MIA2: variants seen among roughly 807,000 people sequenced by gnomAD.
MIA2 encodes the protein melanoma inhibitory activity protein 2.
In MIA2, 127 loss-of-function variants were observed where a neutral mutation model predicts 167.8. The observed-to-expected ratio is 0.76, with a 90% CI of 0.66 to 0.88. MIA2 has a LOEUF of 0.88. MIA2 is among the 40% of genes least tolerant of loss of function. The pLI is 0.00. For synonymous variants in MIA2, 552 were observed against 541.9 expected, an observed-to-expected ratio of 1.02 and a Z score of -0.26; for missense variants, 1,690 against 1,624.7, an observed-to-expected ratio of 1.04 and a Z score of -0.69.
rs762769313 is a variant in MIA2, at chr14:39,319,287, C to T, written c.3363C>T (p.Gly1121=). The T allele has an allele frequency of 2.0e-6, 3 of 1,507,090 alleles. No homozygotes were observed. The highest frequency in any genetic ancestry group is 1.4e-5 in the African/African-American group (1 of 71,186). The allele number at this position is 1,507,090 out of a possible 1,614,324, so 93.4% of individuals were successfully genotyped here. A position where few individuals can be genotyped will look rare whatever the true frequency, so the allele number is the denominator to read the frequency against. Residue 1121 remains glycine (G), a synonymous_variant, in exon 23 of 29, where the codon GGC becomes GGT. Transcript: ENST00000640607. ...YALDVPNTAF[G]REHSPYGPSP... ...TCGATGTTCCAAATACAGCATTTGGCAGAGGTAGTCTTTTTTTTTTTACCC... is the reference window on the plus strand; with the variant it reads ...TCGATGTTCCAAATACAGCATTTGGTAGAGGTAGTCTTTTTTTTTTTACCC...
rs533094727 is a variant in MIA2, at chr14:39,248,233, C to T, written c.1567+92C>T. Reference sequence around the variant, plus strand: ...AAATCAGATGAAAAAGTCCAGGAATCCACGTTTTTCAGAATACTTAGCTCT... The same window carrying T: ...AAATCAGATGAAAAAGTCCAGGAATTCACGTTTTTCAGAATACTTAGCTCT... On this transcript the variant is annotated intron_variant, in intron 4 of 28. Transcript: ENST00000640607. 26 of 1,028,604 alleles carry T rather than the reference C, an allele frequency of 2.5e-5. No homozygotes were observed. The South Asian group carries it at 4.3e-4, about 17-fold the overall frequency. 63.7% of individuals were successfully genotyped at this position (1,028,604 alleles called of 1,614,324 possible).
chr14:39,263,633 C>CTTTTTTT (rs35948974), intron 6 of MIA2, among the ~76,000 whole-genome samples: 7 of 130,916 alleles, frequency 5.3e-5, no homozygotes, highest in East Asian at 2.2e-4. Context: ...CTCTCTCTCT[C>CTTTTTTT]TTTTTTTTTT....
intron 14 of MIA2, among the ~76,000 whole-genome samples, chr14:39,301,814 TA>T (rs981776737): frequency 6.6e-6 from 1 of 152,208 alleles, no homozygotes; most frequent in Non-Finnish European, 1.5e-5. Context: ...TCATGTTAAT[TA>T]GGGCACTGTT....
At chr14:39,340,164 T>TAAA (rs1216819744) in intron 25 of MIA2, among the ~76,000 whole-genome samples, 3 of 152,162 alleles carry the variant, frequency 2.0e-5, no homozygotes, top group East Asian at 3.9e-4. Context: ...TGAGCTTTAG[T>TAAA]ATTCCTAGTT....
intron 6 of MIA2, among the ~76,000 whole-genome samples, chr14:39,257,291 T>C (rs897152691): frequency 3.3e-5 from 5 of 152,238 alleles, no homozygotes; most frequent in Non-Finnish European, 1.5e-5. Flanking sequence ...CATATATATT[T>C]AGGATAGTTA....
chr14:39,323,639 A>G (rs993814121), intron 24 of MIA2, among the ~76,000 whole-genome samples: 2 of 152,138 alleles, frequency 1.3e-5, no homozygotes, highest in African/African-American at 4.8e-5. Context: ...AATTAGCATT[A>G]TTTTTTAAAC....
At chr14:39,301,541 C>T (rs1001649392) in intron 14 of MIA2, among the ~76,000 whole-genome samples, 12 of 152,142 alleles carry the variant, frequency 7.9e-5, no homozygotes, top group African/African-American at 2.7e-4. Flanking sequence ...AATTGTAGAT[C>T]AGTGCATTAT....
In MIA2 at chr14:39,248,060, G is replaced by T. The variant is rs183212485; in HGVS notation, c.1486G>T (p.Glu496Ter). 88 of 1,564,660 alleles carry T rather than the reference G, an allele frequency of 5.6e-5. No homozygotes were observed. Among genetic ancestry groups the T allele is most frequent in the Admixed American group, 2.4e-4 (11 of 45,812 alleles). ...TCAAAATAATGTAATTGAAAATGAA[G>T]AAACTGGAGAATTTTCCATTGATAA... ...LDQNNVIENE[E>*]TGEFSIDNYP... The change falls in exon 4 of 29, where the codon GAA (glutamate) becomes TAA (stop). Residue 496 changes from glutamate to a stop codon, truncating the protein, a stop_gained. Transcript: ENST00000640607. LOFTEE classifies it high-confidence loss of function.
chr14:39,293,941 C>T lies in MIA2; in HGVS notation c.2320-59C>T, dbSNP rs890324677. On this transcript the variant is annotated intron_variant, in intron 11 of 28. Coordinates refer to ENST00000640607, the MANE Select transcript of MIA2 (RefSeq NM_001329214.4). The stretch of plus-strand genomic sequence containing the variant: ...TTAGGTTAACAGTATATCTAATAAA[C>T]ATGGCATTTTGGAAACTAGAGTTTA... 3.8e-6 allele frequency: 5 copies of T among 1,303,710 alleles called. No homozygotes were observed. The African/African-American group carries it at 7.4e-5, about 19-fold the overall frequency. The allele number at this position is 1,303,710 out of a possible 1,614,324, so 80.8% of individuals were successfully genotyped here.
intron 21 of MIA2, 39 bp from the exon 22 acceptor site, chr14:39,317,905 T>A: frequency 7.3e-7 from 1 of 1,378,134 alleles, no homozygotes; most frequent in Non-Finnish European, 9.8e-7. Context: ...TTTTTAAGTT[T>A]ATATAAATAT....
chr14:39,360,318 G>T (rs566885348), intron 23 of MIA2, among the ~76,000 whole-genome samples: 1 of 152,154 alleles, frequency 6.6e-6, no homozygotes, highest in African/African-American at 2.4e-5. Flanking sequence ...TTCTAACTGT[G>T]GTAAGATGAT....
intron 6 of MIA2, among the ~76,000 whole-genome samples, chr14:39,261,175 T>G (rs1267050144): frequency 6.6e-6 from 1 of 152,108 alleles, no homozygotes; most frequent in Non-Finnish European, 1.5e-5. Context: ...GTGTGTGATG[T>G]TCCCCTTCCT....
intron 4 of MIA2, among the ~76,000 whole-genome samples, chr14:39,250,378 G>T (rs547018242): frequency 1.1e-4 from 17 of 151,920 alleles, no homozygotes; most frequent in African/African-American, 4.1e-4. Flanking sequence ...GCCGGCCTGG[G>T]CAACACAGTG....
chr14:39,362,592 C>T (rs1014655509), intron 23 of MIA2, among the ~76,000 whole-genome samples: 4 of 151,890 alleles, frequency 2.6e-5, no homozygotes, highest in Admixed American at 6.6e-5. Flanking sequence ...GTTAGTCTAG[C>T]TAGTAGTTTA....
chr14:39,319,204 T>A lies in MIA2; in HGVS notation c.3285-5T>A. 1 of 1,524,332 alleles carries A rather than the reference T, an allele frequency of 6.6e-7. No individual in the cohort carries two copies. Among genetic ancestry groups the A allele is most frequent in the Non-Finnish European group, 8.9e-7 (1 of 1,123,554 alleles). 94.4% of individuals were successfully genotyped at this position (1,524,332 alleles called of 1,614,324 possible). On this transcript the variant is annotated splice_region_variant and splice_polypyrimidine_tract_variant and intron_variant, in intron 22 of 28. Transcript: ENST00000640607. ...AACTTAGAGATGTTTGTTCTTTATTTGCAGATTAACTGAAACAGAGCTTAA... is the reference window on the plus strand; with the variant it reads ...AACTTAGAGATGTTTGTTCTTTATTAGCAGATTAACTGAAACAGAGCTTAA...
chr14:39,361,468 C>T (rs571090487), intron 23 of MIA2, among the ~76,000 whole-genome samples: 8 of 139,590 alleles, frequency 5.7e-5, no homozygotes, highest in Admixed American at 1.5e-4. Flanking sequence ...GACAGAGTTT[C>T]GCTCTTGTTG....
intron 9 of MIA2, among the ~76,000 whole-genome samples, chr14:39,288,461 A>ATTTTTTTTTTTTTT (rs1225086664): frequency 5.0e-5 from 1 of 19,890 alleles, no homozygotes; most frequent in African/African-American, 1.3e-4. Context: ...ATATATATAT[A>ATTTTTTTTTTTTTT]TATATATATA....
chr14:39,284,554 T>A lies in MIA2; in HGVS notation c.2130+5017T>A, dbSNP rs145252418. On this transcript the variant is annotated intron_variant, in intron 9 of 28. Transcript: ENST00000640607. Reference sequence around the variant, plus strand: ...GATCTTTTGCTATTCCATATTAAATTTAGATTAAAAAAATTTCTGTGAAGA... The same window carrying A: ...GATCTTTTGCTATTCCATATTAAATATAGATTAAAAAAATTTCTGTGAAGA... Among the ~76,000 whole-genome samples the A allele has an allele frequency of 6.6e-4, 101 of 152,238 alleles. 2 individuals carry two copies. The East Asian group carries it at 0.019, about 28-fold the overall frequency.
At chr14:39,298,549 T>TTTGTTTTTTG (rs1482911865) in intron 13 of MIA2, among the ~76,000 whole-genome samples, 2 of 141,986 alleles carry the variant, frequency 1.4e-5, no homozygotes, top group East Asian at 2.0e-4. Context: ...TTTTTTTTTT[T>TTTGTTTTTTG]TTTTTGTGAG....
Sources: gnomAD v4.1 joint callset for allele counts (sites outside exome capture counted in the v4.1 genomes callset) on GRCh38, gnomAD v4.1.1 for gene constraint, MANE v1.5 for transcripts, NCBI Gene and HGNC (gene_info 2026-07-23, HGNC 2026-07-21) for gene names.